Variants in STK3 observed in about 807,000 individuals in gnomAD.
STK3 encodes serine/threonine kinase 3, also known as serine/threonine-protein kinase 3.
Under a neutral mutation model 58.0 loss-of-function variants are expected in STK3, and 41 were observed. The observed-to-expected ratio is 0.71, with a 90% CI of 0.55 to 0.92. The LOEUF is 0.92. STK3 is among the 40% of genes least tolerant of loss of function. The pLI, the probability that STK3 is intolerant of heterozygous loss-of-function variation, is 0.00. For synonymous variants in STK3, 170 were observed against 191.0 expected, an observed-to-expected ratio of 0.89 and a Z score of 0.91; for missense variants, 479 against 602.7, an observed-to-expected ratio of 0.79 and a Z score of 2.15.
At chr8:98,674,580 T>C (rs1483517466) in intron 6 of STK3, among the ~76,000 whole-genome samples, 1 of 152,144 alleles carries the variant, frequency 6.6e-6, no homozygotes, top group Non-Finnish European at 1.5e-5. Context: ...AACACATTTA[T>C]ACTATAGTTT....
intron 4 of STK3, among the ~76,000 whole-genome samples, chr8:98,717,914 A>T (rs566822222): frequency 2.0e-5 from 3 of 152,344 alleles, no homozygotes; most frequent in East Asian, 1.9e-4. Context: ...CTGAACCTTG[A>T]GTACATTATG....
intron 4 of STK3, among the ~76,000 whole-genome samples, chr8:98,726,390 C>T (rs977025646): frequency 2.0e-5 from 3 of 152,228 alleles, no homozygotes; most frequent in East Asian, 1.9e-4. Flanking sequence ...TGTAATGAAG[C>T]GTGATGTGTA....
intron 1 of STK3, among the ~76,000 whole-genome samples, chr8:98,813,863 C>A (rs991813081): frequency 6.6e-6 from 1 of 152,126 alleles, no homozygotes; most frequent in Non-Finnish European, 1.5e-5. Context: ...AACATATTCA[C>A]GTCCTATTAA....
At chr8:98,899,731 C>T (rs184264637) in intron 1 of STK3, among the ~76,000 whole-genome samples, 3 of 152,232 alleles carry the variant, frequency 2.0e-5, no homozygotes, top group Admixed American at 2.0e-4. Flanking sequence ...TTACTCTTTA[C>T]AAGAACCCTG....
intron 7 of STK3, among the ~76,000 whole-genome samples, 198 bp from the exon 8 acceptor site, chr8:98,579,987 TA>T (rs1188581789): frequency 3.3e-5 from 5 of 149,472 alleles, no homozygotes; most frequent in East Asian, 3.9e-4. Flanking sequence ...GGGGCTTGTT[TA>T]AAAAAAAAAC....
chr8:98,349,397 C>T, the STK3 span, among the ~76,000 whole-genome samples: 1 of 152,224 alleles, frequency 6.6e-6, no homozygotes, highest in African/African-American at 2.4e-5. Flanking sequence ...AAGGTGTGGC[C>T]TCCCTCCCAG....
chr8:98,647,391 T>C (rs1820481970), intron 6 of STK3, among the ~76,000 whole-genome samples: 1 of 152,234 alleles, frequency 6.6e-6, no homozygotes, highest in African/African-American at 2.4e-5. Context: ...TTACTTATTA[T>C]ATATTGTTTT....
At chr8:98,366,750 C>T (rs1817568839), downstream of STK3, among the ~76,000 whole-genome samples, 1 of 152,128 alleles carries the variant, frequency 6.6e-6, no homozygotes, top group South Asian at 2.1e-4. Flanking sequence ...GAGACTGTCA[C>T]ATAAAACCCA....
At chr8:98,658,484 A>C (rs1382926738) in intron 6 of STK3, among the ~76,000 whole-genome samples, 1 of 151,914 alleles carries the variant, frequency 6.6e-6, no homozygotes. Flanking sequence ...ACCAACCCAA[A>C]CTATGTAAGA....
At chr8:98,748,152 A>G (rs1397319012) in intron 4 of STK3, among the ~76,000 whole-genome samples, 1 of 152,192 alleles carries the variant, frequency 6.6e-6, no homozygotes. Context: ...TTCCTACCTG[A>G]TAACTTTAAA....
At chr8:98,873,145 G>A (rs570082955) in intron 3 of STK3, among the ~76,000 whole-genome samples, 33 of 152,210 alleles carry the variant, frequency 2.2e-4, no homozygotes, top group East Asian at 7.7e-4. Flanking sequence ...GTAGTTGAGC[G>A]GTTTTGAGTG....
chr8:98,819,330 C>T (rs1834747257), intron 1 of STK3, among the ~76,000 whole-genome samples: 1 of 151,876 alleles, frequency 6.6e-6, no homozygotes, highest in Non-Finnish European at 1.5e-5. Flanking sequence ...TATATGATGG[C>T]CTGAAGTGTT....
At chr8:98,903,302 A>C (rs1395102886) in intron 1 of STK3, among the ~76,000 whole-genome samples, 1 of 152,220 alleles carries the variant, frequency 6.6e-6, no homozygotes, top group Non-Finnish European at 1.5e-5. Context: ...TGAAAATATT[A>C]AAACAATTGA....
intron 3 of STK3, among the ~76,000 whole-genome samples, chr8:98,419,779 G>C (rs1325312946): frequency 1.3e-5 from 2 of 152,202 alleles, no homozygotes; most frequent in Non-Finnish European, 2.9e-5. Flanking sequence ...GACACCCTGT[G>C]GTTTTATATG....
At chr8:98,635,302 T>C (rs565480319) in intron 6 of STK3, among the ~76,000 whole-genome samples, 22 of 152,316 alleles carry the variant, frequency 1.4e-4, no homozygotes, top group African/African-American at 5.1e-4. Flanking sequence ...ATTTTCTCTA[T>C]ATAGCACTTA....
At chr8:98,605,628 G>A (rs1277419513) in intron 6 of STK3, among the ~76,000 whole-genome samples, 1 of 152,058 alleles carries the variant, frequency 6.6e-6, no homozygotes, top group African/African-American at 2.4e-5. Flanking sequence ...TATTTCTGCT[G>A]TAGTAAGTTA....
intron 1 of STK3, among the ~76,000 whole-genome samples, chr8:98,808,877 T>C (rs75744683): frequency 0.013 from 1,999 of 152,180 alleles, 43 homozygotes; most frequent in African/African-American, 0.045. Context: ...ACCCAAGAAA[T>C]CAATCATGTG....
At chr8:98,786,411 G>A (rs537723756) in intron 1 of STK3, among the ~76,000 whole-genome samples, 1 of 152,304 alleles carries the variant, frequency 6.6e-6, no homozygotes, top group African/African-American at 2.4e-5. Context: ...AGCTGGGCAT[G>A]ATGGTTTGCA....
intron 3 of STK3, among the ~76,000 whole-genome samples, chr8:98,863,451 T>C (rs1283031774): frequency 6.6e-6 from 1 of 152,086 alleles, no homozygotes; most frequent in African/African-American, 2.4e-5. Context: ...GAGATAACAG[T>C]AGCATCTACC....
Sources: allele counts gnomAD v4.1 joint callset (sites outside exome capture counted in the v4.1 genomes callset), GRCh38; gene constraint gnomAD v4.1.1; transcripts MANE v1.5; gene names NCBI Gene and HGNC (gene_info 2026-07-23, HGNC 2026-07-21).